EML1: variants seen among roughly 807,000 people sequenced by gnomAD.
The protein encoded by EML1 is echinoderm microtubule-associated protein-like 1.
Under a neutral mutation model 110.4 loss-of-function variants are expected in EML1, and 27 were observed. The observed-to-expected ratio is 0.24, with a 90% CI of 0.18 to 0.34. The LOEUF is 0.34. Among genes scored for constraint, EML1 ranks in the 10% least tolerant of loss-of-function variants. The pLI is 1.00. For synonymous variants in EML1, 344 were observed against 385.8 expected, an observed-to-expected ratio of 0.89 and a Z score of 1.27; for missense variants, 741 against 1,030.9, an observed-to-expected ratio of 0.72 and a Z score of 3.85.
intron 1 of EML1, among the ~76,000 whole-genome samples, chr14:99,745,119 T>C (rs779914286): frequency 1.3e-5 from 2 of 152,084 alleles, no homozygotes; most frequent in Non-Finnish European, 2.9e-5. Flanking sequence ...CAGGCTTGAG[T>C]GCAGTGGCAC....
At chr14:99,918,724 G>A (rs773518520) in intron 16 of EML1, among the ~76,000 whole-genome samples, 10 of 151,980 alleles carry the variant, frequency 6.6e-5, no homozygotes, top group Non-Finnish European at 8.8e-5. Context: ...CTAAGGCAGG[G>A]GGATCTCTTA....
At chr14:99,907,532 A>G (rs759561568) in intron 9 of EML1, 106 bp from the exon 10 acceptor site, 61 of 953,398 alleles carry the variant, frequency 6.4e-5, no homozygotes, top group Non-Finnish European at 8.9e-5. Flanking sequence ...TTTAACTACA[A>G]TGTAGCAGAC....
At chr14:99,837,227 A>G (rs973676388) in intron 1 of EML1, among the ~76,000 whole-genome samples, 2 of 152,116 alleles carry the variant, frequency 1.3e-5, no homozygotes, top group Non-Finnish European at 2.9e-5. Flanking sequence ...AGGGAGACTC[A>G]GGCTTTACCT....
intron 1 of EML1, among the ~76,000 whole-genome samples, chr14:99,744,658 G>A (rs979944206): frequency 2.0e-5 from 3 of 152,236 alleles, no homozygotes; most frequent in African/African-American, 7.2e-5. Flanking sequence ...TTTCCAATAT[G>A]CAAATCATAA....
chr14:99,746,191 C>T (rs544407287), intron 1 of EML1, among the ~76,000 whole-genome samples: 2 of 152,282 alleles, frequency 1.3e-5, no homozygotes, highest in East Asian at 1.9e-4. Flanking sequence ...CAAGGTCACA[C>T]AGGGAGTAAC....
chr14:99,932,725 A>G (rs1034500914), intron 17 of EML1, among the ~76,000 whole-genome samples: 2 of 152,150 alleles, frequency 1.3e-5, no homozygotes, highest in Admixed American at 1.3e-4. Context: ...TGCACTTGAA[A>G]TGTGTGCATT....
At chr14:99,859,078 A>G (rs2139858813) in intron 2 of EML1, among the ~76,000 whole-genome samples, 1 of 152,344 alleles carries the variant, frequency 6.6e-6, no homozygotes, top group South Asian at 2.1e-4. Flanking sequence ...ATTCATATCA[A>G]CTGTAGTTTT....
chr14:99,845,373 G>A (rs1006077088), intron 1 of EML1, among the ~76,000 whole-genome samples: 12 of 152,058 alleles, frequency 7.9e-5, no homozygotes, highest in African/African-American at 2.7e-4. Context: ...AAATTGGATT[G>A]TTTTCTCACT....
chr14:99,738,952 T>C (rs1243388972), intron 1 of EML1, among the ~76,000 whole-genome samples: 1 of 151,388 alleles, frequency 6.6e-6, no homozygotes, highest in Non-Finnish European at 1.5e-5. Context: ...TCCTGGGGGG[T>C]GTGGGGCAGA....
chr14:99,846,288 T>A (rs976401225), intron 1 of EML1, among the ~76,000 whole-genome samples: 2 of 145,926 alleles, frequency 1.4e-5, no homozygotes, highest in African/African-American at 5.0e-5. Flanking sequence ...GTGATTTTTT[T>A]TTTTTTTTTT....
intron 1 of EML1, among the ~76,000 whole-genome samples, chr14:99,825,115 C>G (rs920386050): frequency 7.2e-5 from 11 of 152,174 alleles, no homozygotes; most frequent in Admixed American, 5.9e-4. Flanking sequence ...TGACAAGTAA[C>G]TGGGACTACA....
At chr14:99,895,098 T>G (rs2059649858) in intron 6 of EML1, among the ~76,000 whole-genome samples, 1 of 152,194 alleles carries the variant, frequency 6.6e-6, no homozygotes, top group Non-Finnish European at 1.5e-5. Flanking sequence ...ATTTTTTTCT[T>G]TGTCAGGAGA....
chr14:99,909,353 T>C lies in EML1; in HGVS notation c.1113T>C (p.Asn371=), dbSNP rs781055914. The C allele has an allele frequency of 1.2e-6, 2 of 1,614,118 alleles. No individual in the cohort carries two copies. The highest frequency in any genetic ancestry group is 8.5e-7 in the Non-Finnish European group (1 of 1,180,048). ...EEKLADVKCS[N]EAVFAADFHP... Reference sequence around the variant, plus strand: ...CCCTGTTTTTCCTATAGTGCTCTAATGAAGCTGTGTTTGCTGCGGATTTCC... The same window carrying C: ...CCCTGTTTTTCCTATAGTGCTCTAACGAAGCTGTGTTTGCTGCGGATTTCC... The change falls in exon 11 of 22, where the codon AAT becomes AAC. Residue 371 remains asparagine (N), a synonymous_variant. Coordinates refer to ENST00000262233, the MANE Select transcript of EML1 (RefSeq NM_004434.3).
intron 1 of EML1, among the ~76,000 whole-genome samples, chr14:99,815,599 G>A (rs1276149317): frequency 6.6e-6 from 1 of 152,186 alleles, no homozygotes; most frequent in African/African-American, 2.4e-5. Context: ...AAATGAAGAT[G>A]AATAGCTTTT....
intron 3 of EML1, among the ~76,000 whole-genome samples, chr14:99,869,615 GC>G (rs979285174): frequency 1.3e-5 from 2 of 152,206 alleles, no homozygotes; most frequent in African/African-American, 4.8e-5. Context: ...CATGTCAAAA[GC>G]CAGGATAGAC....
At chr14:99,812,581 G>A (rs992882583) in intron 1 of EML1, among the ~76,000 whole-genome samples, 1 of 151,642 alleles carries the variant, frequency 6.6e-6, no homozygotes, top group Non-Finnish European at 1.5e-5. Context: ...TGTACAATCG[G>A]CTCTTCACTT....
intron 1 of EML1, among the ~76,000 whole-genome samples, chr14:99,796,449 C>T (rs2057776199): frequency 6.6e-6 from 1 of 150,644 alleles, no homozygotes; most frequent in African/African-American, 2.4e-5. Flanking sequence ...TTGTTTTCTT[C>T]AGAGTATTTG....
rs200170016 is a variant in EML1, at chr14:99,745,596, TA to T, written c.28+7740del. Reference sequence around the variant, plus strand: ...GTGAATCAACTTGGATTGCTAGAAATAAAACCAGAATTGGACCTGATACTGC... The same window carrying T: ...GTGAATCAACTTGGATTGCTAGAAATAAACCAGAATTGGACCTGATACTGC... On this transcript the variant is annotated intron_variant, in intron 1 of 10. Transcript: ENST00000554479. 9.0e-3 allele frequency among the ~76,000 whole-genome samples: 1,367 copies of T among 152,286 alleles called. 16 individuals carry two copies. Among genetic ancestry groups the T allele is most frequent in the African/African-American group, 0.032 (1,316 of 41,532 alleles).
At chr14:99,871,943 G>A (rs760313678) in intron 3 of EML1, among the ~76,000 whole-genome samples, 1 of 152,158 alleles carries the variant, frequency 6.6e-6, no homozygotes, top group African/African-American at 2.4e-5. Flanking sequence ...AAGCCTGTGC[G>A]CCTTCCATTG....
Sources: gnomAD v4.1 joint callset for allele counts (sites outside exome capture counted in the v4.1 genomes callset) on GRCh38, gnomAD v4.1.1 for gene constraint, MANE v1.5 for transcripts, NCBI Gene and HGNC (gene_info 2026-07-23, HGNC 2026-07-21) for gene names.